Variants in ZBBX observed in about 807,000 individuals in gnomAD.
ZBBX encodes the protein zinc finger B-box domain-containing protein 1.
ZBBX carries 101 observed loss-of-function variants against 108.5 expected under a neutral mutation model. The ratio of observed to expected loss-of-function variants is 0.93; its 90% CI spans 0.79 to 1.10. ZBBX has a LOEUF of 1.10. Ranked by LOEUF, ZBBX falls within the 50% of genes least tolerant of loss-of-function variation. The pLI, the probability that ZBBX is intolerant of heterozygous loss-of-function variation, is 0.00. For synonymous variants in ZBBX, 356 were observed against 323.4 expected, an observed-to-expected ratio of 1.10 and a Z score of -1.08; for missense variants, 1,009 against 941.4, an observed-to-expected ratio of 1.07 and a Z score of -0.94.
chr3:167,272,987 C>T (rs1726815025), intron 20 of ZBBX, among the ~76,000 whole-genome samples: 1 of 152,226 alleles, frequency 6.6e-6, no homozygotes, highest in Non-Finnish European at 1.5e-5. Context: ...CCCACCTCTA[C>T]TGATCCTAAA....
In ZBBX at chr3:167,240,914, G is replaced by C. The variant is rs368366304; in HGVS notation, c.2399C>G (p.Ser800Cys). 2.5e-6 allele frequency: 4 copies of C among 1,612,636 alleles called. No homozygotes were observed. In the African/African-American group the frequency reaches 4.0e-5, roughly 16 times the overall value. ...AGACTGAATTTTGGTATCTCTTCCA[G>C]AACAGCTGAAAATACATAACAAGAT... ...GPCGVEELSC[S>C]GRDTKIQSLL... is the part of the protein sequence containing the mutation. Residue 800 changes from serine (S) to cysteine (C), a missense_variant, in exon 22 of 22, where the codon TCT (serine) becomes TGT (cysteine). Physicochemically the swap from Ser to Cys is moderately radical, Grantham distance 112. Transcript: ENST00000675490.
intron 18 of ZBBX, among the ~76,000 whole-genome samples, chr3:167,289,373 G>T (rs1034710857): frequency 6.6e-6 from 1 of 152,168 alleles, no homozygotes; most frequent in Non-Finnish European, 1.5e-5. Flanking sequence ...GATGTAGAAG[G>T]CAGGTGATTT....
chr3:167,199,948 G>T, the ZBBX span, among the ~76,000 whole-genome samples: 1 of 152,160 alleles, frequency 6.6e-6, no homozygotes, highest in South Asian at 2.1e-4. Flanking sequence ...TCTCTCCACA[G>T]TTTCTACAGA....
At chr3:167,294,207 T>A (rs1179980685) in intron 18 of ZBBX, among the ~76,000 whole-genome samples, 1 of 152,108 alleles carries the variant, frequency 6.6e-6, no homozygotes, top group Non-Finnish European at 1.5e-5. Context: ...TTAAATTTCA[T>A]ATGGAAACAA....
At chr3:167,195,594 A>T in the ZBBX span, among the ~76,000 whole-genome samples, 2 of 152,202 alleles carry the variant, frequency 1.3e-5, no homozygotes, top group African/African-American at 4.8e-5. Context: ...TGGTAGGCAC[A>T]GTAATTCTTA....
intron 10 of ZBBX, among the ~76,000 whole-genome samples, chr3:167,328,727 A>G (rs992952414): frequency 2.0e-5 from 3 of 152,176 alleles, no homozygotes; most frequent in African/African-American, 7.2e-5. Flanking sequence ...TGTATTAGCT[A>G]TACCCAATGC....
chr3:167,233,841 C>T, the ZBBX span, among the ~76,000 whole-genome samples: 1 of 151,758 alleles, frequency 6.6e-6, no homozygotes, highest in Non-Finnish European at 1.5e-5. Context: ...AATCACATAT[C>T]TCAACAATCC....
chr3:167,359,707 C>A (rs1744195134), intron 8 of ZBBX, among the ~76,000 whole-genome samples, 163 bp downstream of exon 8: 1 of 152,106 alleles, frequency 6.6e-6, no homozygotes, highest in Non-Finnish European at 1.5e-5. Flanking sequence ...CTGTCCCCAG[C>A]AGCATGCATG....
intron 11 of ZBBX, among the ~76,000 whole-genome samples, chr3:167,326,696 T>G (rs1017911907): frequency 6.6e-6 from 1 of 152,080 alleles, no homozygotes; most frequent in African/African-American, 2.4e-5. Context: ...AGGTGTATAC[T>G]GAGATATAAA....
rs367685431 is a variant in ZBBX at position 167,330,843 on chromosome 3, AGAGGAGGAGGAG to A, written c.688-2739_688-2728del. Among the ~76,000 whole-genome samples, 162 of 81,810 alleles carry A rather than the reference AGAGGAGGAGGAG, an allele frequency of 2.0e-3. 3 individuals are homozygous for A. In the East Asian group the frequency reaches 0.02, roughly 10 times the overall value. The allele number at this position is 81,810 out of a possible 152,430, so 53.7% of individuals were successfully genotyped here. On this transcript the variant is annotated intron_variant, in intron 10 of 21. Coordinates refer to ENST00000675490, the MANE Select transcript of ZBBX (RefSeq NM_001199201.2). ...AAGCAGAAGCAGAAGTAGAAGAGGA[AGAGGAGGAGGAG>A]GAGGAGGAGGAGGAGGAGAAGAAGA...
intron 20 of ZBBX, among the ~76,000 whole-genome samples, chr3:167,252,469 C>T (rs1271327525): frequency 2.6e-5 from 4 of 152,164 alleles, no homozygotes; most frequent in East Asian, 1.9e-4. Context: ...CCTTATGTCA[C>T]TGTAGCACTT....
chr3:167,178,954 A>G, the ZBBX span, among the ~76,000 whole-genome samples: 2 of 152,212 alleles, frequency 1.3e-5, no homozygotes, highest in Non-Finnish European at 2.9e-5. Context: ...GTCCTTGAGA[A>G]TTATATGGGA....
intron 6 of ZBBX, among the ~76,000 whole-genome samples, chr3:167,362,837 C>T (rs890736239): frequency 1.3e-5 from 2 of 151,904 alleles, no homozygotes; most frequent in Non-Finnish European, 2.9e-5. Flanking sequence ...ACTATAGGTC[C>T]CCACCATCCA....
intron 2 of ZBBX, among the ~76,000 whole-genome samples, chr3:167,378,906 T>C (rs1244372343): frequency 1.3e-5 from 2 of 152,210 alleles, no homozygotes; most frequent in Non-Finnish European, 2.9e-5. Context: ...TCATTTGCTA[T>C]TGTATGTTAC....
At chr3:167,364,505 G>T (rs974193433) in intron 6 of ZBBX, among the ~76,000 whole-genome samples, 3 of 151,860 alleles carry the variant, frequency 2.0e-5, no homozygotes, top group African/African-American at 4.8e-5. Flanking sequence ...ACAAGCCTGA[G>T]AGCTTACATG....
chr3:167,392,919 G>T (rs1440421257), intron 1 of ZBBX: 1 of 151,734 alleles, frequency 6.6e-6, no homozygotes, highest in Non-Finnish European at 1.5e-5. Flanking sequence ...GATTAAAGCT[G>T]GAAATATAAA....
chr3:167,398,571 C>G (rs1468062903), intron 1 of ZBBX, among the ~76,000 whole-genome samples: 1 of 151,640 alleles, frequency 6.6e-6, no homozygotes, highest in African/African-American at 2.4e-5. Context: ...ATATATAAAC[C>G]TACTGTATAA....
intron 2 of ZBBX, among the ~76,000 whole-genome samples, chr3:167,374,696 T>G (rs1046692485): frequency 6.6e-6 from 1 of 151,986 alleles, no homozygotes; most frequent in African/African-American, 2.4e-5. Flanking sequence ...TAGAGTCAAA[T>G]AGGGCATATA....
At chr3:167,233,150 C>T in the ZBBX span, among the ~76,000 whole-genome samples, 2 of 151,696 alleles carry the variant, frequency 1.3e-5, no homozygotes, top group African/African-American at 2.4e-5. Flanking sequence ...AACCCTGGGC[C>T]TGCTGAGGCC....
Sources: allele counts gnomAD v4.1 joint callset (sites outside exome capture counted in the v4.1 genomes callset), GRCh38; gene constraint gnomAD v4.1.1; transcripts MANE v1.5; gene names NCBI Gene and HGNC (gene_info 2026-07-23, HGNC 2026-07-21).